The following ANAPC16 variants were observed in gnomAD, a reference collection of about 807,000 sequenced individuals.
The protein encoded by ANAPC16 is anaphase promoting complex subunit 16.
Under a neutral mutation model 13.1 loss-of-function variants are expected in ANAPC16, and 6 were observed. The observed-to-expected ratio is 0.46, with a 90% CI of 0.25 to 0.90. The LOEUF (loss-of-function observed/expected upper bound fraction) is 0.90. Among genes scored for constraint, ANAPC16 ranks in the 40% least tolerant of loss-of-function variants. ANAPC16 has a pLI of 0.18. For synonymous variants in ANAPC16, 55 were observed against 51.3 expected, an observed-to-expected ratio of 1.07 and a Z score of -0.31; for missense variants, 113 against 131.1, an observed-to-expected ratio of 0.86 and a Z score of 0.67.
intron 3 of ANAPC16, among the ~76,000 whole-genome samples, chr10:72,231,810 A>C (rs541537901): frequency 2.0e-5 from 3 of 151,812 alleles, no homozygotes; most frequent in Admixed American, 1.3e-4. Flanking sequence ...CTGCCTTGGC[A>C]TCCCAAAGTG....
At chr10:72,228,017 C>T (rs1042147440) in intron 2 of ANAPC16, among the ~76,000 whole-genome samples, 3 of 142,566 alleles carry the variant, frequency 2.1e-5, no homozygotes, top group South Asian at 2.2e-4. Context: ...GGCGACAGAG[C>T]GAGACTTGGT....
intron 1 of ANAPC16, among the ~76,000 whole-genome samples, chr10:72,217,873 C>G (rs1348755450): frequency 6.6e-6 from 1 of 150,556 alleles, no homozygotes; most frequent in African/African-American, 2.5e-5. Context: ...AAAGGAAATG[C>G]TAATTGGAGC....
At chr10:72,218,165 AATATATATATATATATATATATATATAT>A (rs61038115) in intron 1 of ANAPC16, among the ~76,000 whole-genome samples, 5 of 31,538 alleles carry the variant, frequency 1.6e-4, no homozygotes, top group South Asian at 1.6e-3. Context: ...AAAAAAAAAA[AATATATATATATATATATATATATATAT>A]ATATATATAT....
At chr10:72,231,380 G>C (rs1450471380) in intron 3 of ANAPC16, among the ~76,000 whole-genome samples, 1 of 151,880 alleles carries the variant, frequency 6.6e-6, no homozygotes, top group Non-Finnish European at 1.5e-5. Flanking sequence ...TCTAAAAAAA[G>C]AAAATACAAA....
At chr10:72,230,031 C>T (rs1860246648) in intron 2 of ANAPC16, among the ~76,000 whole-genome samples, 1 of 152,094 alleles carries the variant, frequency 6.6e-6, no homozygotes, top group South Asian at 2.1e-4. Flanking sequence ...TGTCAGCTGC[C>T]AGTGTTTGCT....
chr10:72,223,805 G>T, intron 1 of ANAPC16, 83 bp from the exon 2 acceptor site: 1 of 1,134,812 alleles, frequency 8.8e-7, no homozygotes, highest in Admixed American at 2.5e-5. Flanking sequence ...AAAACTGTAT[G>T]CTGGCCCTTA....
Position 72,223,946 on chromosome 10 carries a change from G to A in ANAPC16, c.32G>A (p.Gly11Asp). 1 of 1,609,358 alleles carries A rather than the reference G, an allele frequency of 6.2e-7. No homozygotes were observed. The highest frequency in any genetic ancestry group is 8.5e-7 in the Non-Finnish European group (1 of 1,176,360). ...GCTTCATCATCATCCTCCTCAGCTG[G>A]TGGGGTCAGTGGAAGTTCTGTCACT... Reference protein sequence around the residue: MAASSSSSSAGGVSGSSVTGS... With the variant: MAASSSSSSADGVSGSSVTGS... Residue 11 changes from glycine to aspartate, a missense_variant, in exon 2 of 4, where the codon GGT (glycine) becomes GAT (aspartate). By Grantham distance (94) the Gly-to-Asp change is moderately conservative (BLOSUM62 -1). Coordinates refer to ENST00000299381, the MANE Select transcript of ANAPC16 (RefSeq NM_173473.4).
chr10:72,223,817 A>G (rs968454678), intron 1 of ANAPC16, 71 bp from the exon 2 acceptor site: 1 of 1,240,306 alleles, frequency 8.1e-7, no homozygotes, highest in African/African-American at 1.5e-5. Context: ...TGGCCCTTAC[A>G]GCAGCTAGAA....
intron 2 of ANAPC16, among the ~76,000 whole-genome samples, chr10:72,225,049 C>T (rs1209568853): frequency 3.3e-5 from 5 of 152,048 alleles, no homozygotes; most frequent in African/African-American, 1.2e-4. Context: ...TTTGGGAGGC[C>T]AAGGCGGGTG....
intron 1 of ANAPC16, chr10:72,223,568 A>G (rs571318995): frequency 1.1e-5 from 2 of 183,734 alleles, no homozygotes; most frequent in East Asian, 2.8e-4. Flanking sequence ...CCTCTGTCAA[A>G]TTTCTGCCTT....
rs1051616312 is a variant in ANAPC16 at position 72,234,681 on chromosome 10, T to C, written c.*1565T>C. ...TAGCATTTAGCCTTAATCTCAAGAG[T>C]TCAAAATGTTTAACACATTCTACCT... On this transcript the variant is annotated 3_prime_UTR_variant, in exon 4 of 4. Coordinates refer to ENST00000299381, the MANE Select transcript of ANAPC16 (RefSeq NM_173473.4). The C allele has an allele frequency of 1.2e-4, 19 of 152,264 alleles. No homozygotes were observed. Among genetic ancestry groups the C allele is most frequent in the African/African-American group, 4.3e-4 (18 of 41,566 alleles). 9.4% of individuals were successfully genotyped at this position (152,264 alleles called of 1,614,324 possible).
intron 1 of ANAPC16, 122 bp from the exon 2 acceptor site, chr10:72,223,766 C>G (rs11000226): frequency 0.039 from 26,942 of 696,094 alleles, 2,316 homozygotes; most frequent in African/African-American, 0.26. Context: ...AAGTAGAGAG[C>G]ATAGAAAAAA....
chr10:72,218,703 T>C (rs1452867425), intron 1 of ANAPC16, among the ~76,000 whole-genome samples: 1 of 152,230 alleles, frequency 6.6e-6, no homozygotes, highest in Non-Finnish European at 1.5e-5. Flanking sequence ...AGTTACCATC[T>C]AGGGTTTATT....
intron 1 of ANAPC16, 66 bp from the exon 2 acceptor site, chr10:72,223,822 C>G (rs1412533073): frequency 7.9e-7 from 1 of 1,272,020 alleles, no homozygotes; most frequent in African/African-American, 1.5e-5. Context: ...CTTACAGCAG[C>G]TAGAATGAAA....
At chr10:72,231,916 G>A (rs932812192) in intron 3 of ANAPC16, among the ~76,000 whole-genome samples, 9 of 151,944 alleles carry the variant, frequency 5.9e-5, no homozygotes, top group Non-Finnish European at 7.4e-5. Flanking sequence ...GCCGGGCACG[G>A]TGGCTCATGC....
intron 2 of ANAPC16, 45 bp from the exon 3 acceptor site, chr10:72,230,321 A>G: frequency 6.7e-7 from 1 of 1,494,330 alleles, no homozygotes; most frequent in Non-Finnish European, 9.3e-7. Flanking sequence ...CAGAAGCCAT[A>G]AAACCTTTAG....
At position 72,235,457 on chromosome 10, in the gene ANAPC16, AAG is replaced by A. The variant is rs1470852254; in HGVS notation, c.*2343_*2344del. 2.0e-5 allele frequency: 3 copies of A among 152,222 alleles called. No individual in the cohort carries two copies. The highest frequency in any genetic ancestry group is 4.8e-5 in the African/African-American group (2 of 41,460). 9.4% of individuals were successfully genotyped at this position (152,222 alleles called of 1,614,324 possible). A position where few individuals can be genotyped will look rare whatever the true frequency, so the allele number is the denominator to read the frequency against. On this transcript the variant is annotated 3_prime_UTR_variant, in exon 4 of 4. Coordinates refer to ENST00000299381, the MANE Select transcript of ANAPC16 (RefSeq NM_173473.4). ...ACAAGAGCGAAACTGTCTCAAAAAA[AAG>A]AAGAAAATAAATAAATAAAAATCAG... is the stretch of plus-strand genomic sequence containing the variant.
rs556056095 is a variant in ANAPC16 at position 72,233,187 on chromosome 10, T to C, written c.*71T>C. Reference sequence around the variant, plus strand: ...GTGGGGGACTTTCTCACAGCTTACATAGCCATCCAGAGATCCACAGCTACG... The same window carrying C: ...GTGGGGGACTTTCTCACAGCTTACACAGCCATCCAGAGATCCACAGCTACG... On this transcript the variant is annotated 3_prime_UTR_variant, in exon 4 of 4. Transcript: ENST00000299381. The C allele has an allele frequency of 3.9e-5, 47 of 1,194,640 alleles. No homozygotes were observed. In the African/African-American group the frequency reaches 6.5e-4, roughly 16 times the overall value. 74.0% of individuals were successfully genotyped at this position (1,194,640 alleles called of 1,614,324 possible). A position where few individuals can be genotyped will look rare whatever the true frequency, so the allele number is the denominator to read the frequency against.
rs533318269 is a variant in ANAPC16, at chr10:72,235,150, C to CA, written c.*2047dup. 599 of 134,600 alleles carry CA rather than the reference C, an allele frequency of 4.5e-3. 7 individuals carry two copies. Among genetic ancestry groups the CA allele is most frequent in the South Asian group, 0.012 (52 of 4,218 alleles). The allele number at this position is 134,600 out of a possible 1,614,324, so 8.3% of individuals were successfully genotyped here. A position where few individuals can be genotyped will look rare whatever the true frequency, so the allele number is the denominator to read the frequency against. On this transcript the variant is annotated 3_prime_UTR_variant, in exon 4 of 4. Coordinates refer to ENST00000299381, the MANE Select transcript of ANAPC16 (RefSeq NM_173473.4). ...TGGGTGACAGAGCGAGACTCTGTCT[C>CA]AAAAAAAAAAAAATAAAGCCGGGCG...
Sources: gnomAD v4.1 joint callset for allele counts (sites outside exome capture counted in the v4.1 genomes callset) on GRCh38, gnomAD v4.1.1 for gene constraint, MANE v1.5 for transcripts, NCBI Gene and HGNC (gene_info 2026-07-23, HGNC 2026-07-21) for gene names.